SLCO3A1: variants seen among roughly 807,000 people sequenced by gnomAD.
SLCO3A1 encodes the protein solute carrier organic anion transporter family member 3A1.
In SLCO3A1, 27 loss-of-function variants were observed where a neutral mutation model predicts 63.1. The observed-to-expected ratio is 0.43, with a 90% CI of 0.32 to 0.59. The LOEUF is 0.59. Among genes scored for constraint, SLCO3A1 ranks in the 20% least tolerant of loss-of-function variants. SLCO3A1 has a pLI of 0.09. For missense variants in SLCO3A1, 773 were observed against 945.8 expected (o/e 0.82, Z 2.40); for synonymous variants, 473 against 409.9 (o/e 1.15, Z -1.86).
rs1898085054 is a variant in SLCO3A1 at position 91,899,136 on chromosome 15, A to G, written c.181-16857A>G. On this transcript the variant is annotated intron_variant, in intron 1 of 9. Coordinates refer to ENST00000318445, the MANE Select transcript of SLCO3A1 (RefSeq NM_013272.4). ...ACATACCAACTCCTGGGTTCTGCAA[A>G]TGTACCCCAGAAACATTCTGGAACT... Among the ~76,000 whole-genome samples the G allele has an allele frequency of 2.6e-5, 4 of 152,310 alleles. No homozygotes were observed. The South Asian group carries it at 8.3e-4, about 32-fold the overall frequency.
At chr15:91,969,272 G>A (rs1226816255) in intron 2 of SLCO3A1, among the ~76,000 whole-genome samples, 1 of 151,794 alleles carries the variant, frequency 6.6e-6, no homozygotes, top group Non-Finnish European at 1.5e-5. Flanking sequence ...AATTGTTGTT[G>A]TGGAGTAAAA....
intron 2 of SLCO3A1, among the ~76,000 whole-genome samples, chr15:92,025,334 C>T (rs763960929): frequency 6.6e-5 from 10 of 152,072 alleles, no homozygotes; most frequent in Non-Finnish European, 1.2e-4. Flanking sequence ...ATTTTAAGTT[C>T]TTATTTTAAG....
intron 2 of SLCO3A1, among the ~76,000 whole-genome samples, chr15:92,000,045 A>T (rs968729572): frequency 6.6e-6 from 1 of 152,236 alleles, no homozygotes; most frequent in Non-Finnish European, 1.5e-5. Context: ...AATGGATTAG[A>T]TACATTTGAA....
intron 2 of SLCO3A1, among the ~76,000 whole-genome samples, chr15:91,935,909 G>A (rs1459150267): frequency 6.6e-6 from 1 of 151,424 alleles, no homozygotes; most frequent in Non-Finnish European, 1.5e-5. Context: ...GGAAACATAA[G>A]AGGAAATATA....
chr15:91,926,208 T>C (rs1321890624), intron 2 of SLCO3A1, among the ~76,000 whole-genome samples: 2 of 152,226 alleles, frequency 1.3e-5, no homozygotes, highest in Non-Finnish European at 2.9e-5. Flanking sequence ...GCATTGAAGT[T>C]ACAGGACTTA....
chr15:92,118,653 C>G (rs997907384), intron 4 of SLCO3A1, among the ~76,000 whole-genome samples: 1 of 152,198 alleles, frequency 6.6e-6, no homozygotes, highest in Non-Finnish European at 1.5e-5. Flanking sequence ...GGACAGCTGG[C>G]TAATTCATCA....
chr15:92,154,538 C>T (rs145974028), intron 9 of SLCO3A1, among the ~76,000 whole-genome samples: 9 of 152,314 alleles, frequency 5.9e-5, no homozygotes, highest in African/African-American at 1.9e-4. Context: ...ATCTTTGATG[C>T]ACCACCCTCA....
intron 3 of SLCO3A1, among the ~76,000 whole-genome samples, chr15:92,097,412 G>T (rs1393597579): frequency 6.6e-6 from 1 of 152,188 alleles, no homozygotes; most frequent in Non-Finnish European, 1.5e-5. Context: ...GCTGGAGGGG[G>T]CTTAGCCCAT....
At chr15:92,115,273 G>A (rs2047780009) in intron 4 of SLCO3A1, among the ~76,000 whole-genome samples, 1 of 151,992 alleles carries the variant, frequency 6.6e-6, no homozygotes, top group African/African-American at 2.4e-5. Flanking sequence ...AGCTCTTCTT[G>A]ACCACAGAGA....
chr15:91,899,614 G>A (rs868560932), intron 1 of SLCO3A1, among the ~76,000 whole-genome samples: 8 of 151,814 alleles, frequency 5.3e-5, no homozygotes, highest in African/African-American at 1.9e-4. Context: ...CATTTTATTG[G>A]GGTATAATTT....
chr15:92,073,403 A>G (rs1419348480), intron 2 of SLCO3A1, among the ~76,000 whole-genome samples: 1 of 152,236 alleles, frequency 6.6e-6, no homozygotes, highest in East Asian at 1.9e-4. Flanking sequence ...TTCCTGAACC[A>G]GTGGACAAGA....
At chr15:92,058,256 G>T (rs1310485112) in intron 2 of SLCO3A1, among the ~76,000 whole-genome samples, 2 of 152,168 alleles carry the variant, frequency 1.3e-5, no homozygotes. Context: ...CTGAGGTCAA[G>T]TCCTGAGAGT....
intron 2 of SLCO3A1, among the ~76,000 whole-genome samples, chr15:91,999,550 T>A (rs1325390358): frequency 2.6e-5 from 4 of 152,220 alleles, no homozygotes; most frequent in Non-Finnish European, 5.9e-5. Flanking sequence ...AAAGAGATAC[T>A]GTCCTACACC....
intron 2 of SLCO3A1, among the ~76,000 whole-genome samples, chr15:91,963,410 G>GC (rs1242226796): frequency 1.3e-4 from 16 of 124,274 alleles, no homozygotes; most frequent in East Asian, 2.9e-4. Flanking sequence ...GGGGAGGGTG[G>GC]GGGGGGGGGG....
At chr15:91,892,258 C>G (rs372139089) in intron 1 of SLCO3A1, among the ~76,000 whole-genome samples, 7 of 152,306 alleles carry the variant, frequency 4.6e-5, no homozygotes, top group African/African-American at 1.7e-4. Flanking sequence ...CTGAGGCCCA[C>G]TCTGTCCCCA....
intron 2 of SLCO3A1, among the ~76,000 whole-genome samples, chr15:91,952,488 C>T (rs1900033082): frequency 1.3e-5 from 2 of 152,216 alleles, no homozygotes; most frequent in Admixed American, 6.5e-5. Context: ...ATGAATGTTT[C>T]TGTTTGCCAC....
Position 91,887,626 on chromosome 15 carries a change from C to T in SLCO3A1, c.181-28367C>T, listed in dbSNP as rs1023631433. Among the ~76,000 whole-genome samples the T allele has an allele frequency of 6.6e-5, 10 of 152,292 alleles. No homozygotes were observed. In the East Asian group the frequency reaches 1.2e-3, roughly 18 times the overall value. The stretch of plus-strand genomic sequence containing the variant: ...GCCCCGCAGAGGTGATTGGCCACTT[C>T]GTAGTAATAAACAGATTTCAATCCT... On this transcript the variant is annotated intron_variant, in intron 1 of 9. Transcript: ENST00000318445.
intron 2 of SLCO3A1, among the ~76,000 whole-genome samples, chr15:92,051,579 AGT>A (rs1258120137): frequency 6.6e-6 from 1 of 151,958 alleles, no homozygotes; most frequent in African/African-American, 2.4e-5. Context: ...AGGGAGGGAG[AGT>A]GTGCTAAGAC....
At chr15:91,867,003 G>A (rs1042896144) in intron 1 of SLCO3A1, among the ~76,000 whole-genome samples, 6 of 152,176 alleles carry the variant, frequency 3.9e-5, no homozygotes, top group Admixed American at 3.9e-4. Context: ...GCTGCGGAGA[G>A]TCATTGGAGG....
Sources: gnomAD v4.1 joint callset for allele counts (sites outside exome capture counted in the v4.1 genomes callset) on GRCh38, gnomAD v4.1.1 for gene constraint, MANE v1.5 for transcripts, NCBI Gene and HGNC (gene_info 2026-07-23, HGNC 2026-07-21) for gene names.